TTLL4: variants seen among roughly 807,000 people sequenced by gnomAD.
TTLL4 encodes the protein tubulin tyrosine ligase like 4, also known as tubulin monoglutamylase TTLL4.
In TTLL4, 85 loss-of-function variants were observed where a neutral mutation model predicts 122.7. The observed-to-expected ratio is 0.69, with a 90% CI of 0.58 to 0.83. The LOEUF is 0.83. Ranked by LOEUF, TTLL4 falls within the 40% of genes least tolerant of loss-of-function variation. The pLI, the probability that TTLL4 is intolerant of heterozygous loss-of-function variation, is 0.00. For missense variants in TTLL4, 1,363 were observed against 1,488.6 expected, an observed-to-expected ratio of 0.92 and a Z score of 1.39; for synonymous variants, 553 against 563.0, an observed-to-expected ratio of 0.98 and a Z score of 0.25.
At chr2:218,735,766 G>A (rs1489040841) in intron 2 of TTLL4, among the ~76,000 whole-genome samples, 2 of 149,816 alleles carry the variant, frequency 1.3e-5, no homozygotes, top group South Asian at 2.1e-4. Context: ...TCCGCCTCCC[G>A]AGGTCAAGCG....
At chr2:218,748,402 C>T (rs938800218) in intron 12 of TTLL4, 175 bp downstream of exon 12, 9 of 1,080,978 alleles carry the variant, frequency 8.3e-6, no homozygotes, top group Non-Finnish European at 1.1e-5. Context: ...CGCCTGTAAT[C>T]CTAGCACTTT....
intron 5 of TTLL4, among the ~76,000 whole-genome samples, chr2:218,742,153 G>A (rs532398323): frequency 6.6e-6 from 1 of 151,996 alleles, no homozygotes; most frequent in African/African-American, 2.4e-5. Context: ...TTGTAGAGTT[G>A]TGGGGGAAGG....
intron 3 of TTLL4, among the ~76,000 whole-genome samples, chr2:218,739,603 T>C (rs4674332): frequency 0.34 from 51,857 of 152,162 alleles, 9,871 homozygotes; most frequent in Non-Finnish European, 0.42. Context: ...CCAAACCAAA[T>C]GAGGTTCTCA....
chr2:218,733,617 T>A (rs1009583035), intron 2 of TTLL4, among the ~76,000 whole-genome samples: 1 of 152,106 alleles, frequency 6.6e-6, no homozygotes, highest in African/African-American at 2.4e-5. Flanking sequence ...TGCAGAGATA[T>A]GAGATCTGGA....
Position 218,738,597 on chromosome 2 carries a change from G to T in TTLL4, c.921G>T (p.Arg307=), listed in dbSNP as rs1332846743. 1 of 1,614,092 alleles carries T rather than the reference G, an allele frequency of 6.2e-7. No individual in the cohort carries two copies. The highest frequency in any genetic ancestry group is 1.3e-5 in the African/African-American group (1 of 74,934). The change falls in exon 3 of 20, where the codon CGG becomes CGT. Residue 307 remains arginine (R), a synonymous_variant. Coordinates refer to ENST00000392102, the MANE Select transcript of TTLL4 (RefSeq NM_014640.5). ...TTSVASSWYN[R]NNLAMRAEPL... ...GTGTTGCCTCTTCCTGGTATAACCG[G>T]AATAACTTAGCCATGAGGGCAGAGC...
chr2:218,740,400 G>T, intron 4 of TTLL4, 121 bp from the exon 5 acceptor site: 1 of 1,097,342 alleles, frequency 9.1e-7, no homozygotes. Flanking sequence ...GCAGCGGGGT[G>T]GTGCTTGTGG....
intron 2 of TTLL4, among the ~76,000 whole-genome samples, chr2:218,732,547 G>T (rs1575168345): frequency 6.6e-6 from 1 of 152,302 alleles, no homozygotes; most frequent in East Asian, 1.9e-4. Context: ...AGTATGTGCT[G>T]TCGGTAGGGT....
Position 218,754,368 on chromosome 2 carries a change from C to A in TTLL4, c.3579C>A (p.Ser1193=), listed in dbSNP as rs1943108232. Reference sequence around the variant, plus strand: ...CCACTTTCCAGTCAATCAGTGACTCCCTCCTGGCTGTGAGCCCATAACTGG... The same window carrying A: ...CCACTTTCCAGTCAATCAGTGACTCACTCCTGGCTGTGAGCCCATAACTGG... ...ASSTFQSISD[S]LLAVSP The change falls in exon 20 of 20, where the codon TCC becomes TCA. Residue 1193 remains serine (S), a synonymous_variant. Transcript: ENST00000392102. The A allele has an allele frequency of 6.2e-7, 1 of 1,614,188 alleles. No individual in the cohort carries two copies. Among genetic ancestry groups the A allele is most frequent in the Non-Finnish European group, 8.5e-7 (1 of 1,180,034 alleles).
chr2:218,713,009 T>A (rs1254839708), intron 1 of TTLL4, among the ~76,000 whole-genome samples: 1 of 152,160 alleles, frequency 6.6e-6, no homozygotes, highest in East Asian at 1.9e-4. Flanking sequence ...TTTTAAGTTA[T>A]TTGGATAAAA....
intron 2 of TTLL4, among the ~76,000 whole-genome samples, chr2:218,734,375 C>A (rs931948497): frequency 1.3e-5 from 2 of 152,182 alleles, no homozygotes; most frequent in African/African-American, 4.8e-5. Flanking sequence ...TCCTGTGTAT[C>A]AGTCACTGTG....
chr2:218,722,289 A>G (rs1942065462), intron 1 of TTLL4, among the ~76,000 whole-genome samples: 1 of 152,198 alleles, frequency 6.6e-6, no homozygotes, highest in East Asian at 1.9e-4. Context: ...ATACACAGAT[A>G]AGTCATCTTT....
At chr2:218,753,260 T>C (rs1943073630) in intron 18 of TTLL4, 75 bp downstream of exon 18, 4 of 1,518,410 alleles carry the variant, frequency 2.6e-6, no homozygotes, top group Non-Finnish European at 3.7e-6. Flanking sequence ...CAGCAGGAGT[T>C]GGGTTGGTAT....
Position 218,738,516 on chromosome 2 carries a change from T to C in TTLL4, c.840T>C (p.Asp280=). The change falls in exon 3 of 20, where the codon GAT becomes GAC. Residue 280 remains aspartate (D), a synonymous_variant. Coordinates refer to ENST00000392102, the MANE Select transcript of TTLL4 (RefSeq NM_014640.5). The part of the protein sequence containing the change: ...VPKSIGTVPA[D]ASAHIALSTA... The stretch of plus-strand genomic sequence containing the variant: ...AAAGCATTGGCACTGTCCCAGCTGA[T>C]GCCAGTGCCCATATCGCCTTGTCTA... 1.2e-6 allele frequency: 2 copies of C among 1,614,194 alleles called. No homozygotes were observed. Among genetic ancestry groups the C allele is most frequent in the Non-Finnish European group, 1.7e-6 (2 of 1,180,038 alleles).
downstream of TTLL4, among the ~76,000 whole-genome samples, chr2:218,758,557 ATAAT>A (rs1943191032): frequency 6.6e-6 from 1 of 152,246 alleles, no homozygotes; most frequent in Admixed American, 6.5e-5. Context: ...GATTTTATCC[ATAAT>A]TAAAGCTGAG....
rs1285151113 is a variant in TTLL4 at position 218,737,775 on chromosome 2, T to G, written c.99T>G (p.Pro33=). 4 of 1,613,980 alleles carry G rather than the reference T, an allele frequency of 2.5e-6. No individual in the cohort carries two copies. Among genetic ancestry groups the G allele is most frequent in the Non-Finnish European group, 3.4e-6 (4 of 1,179,868 alleles). ...CAGGCACAGTACCTGCCACGCCACC[T>G]GAGAAACCCTCGGAGGGCAGAGTCT... is the stretch of plus-strand genomic sequence containing the variant. The part of the protein sequence containing the change: ...GPSGTVPATP[P]EKPSEGRVWP... The change falls in exon 3 of 20, where the codon CCT becomes CCG. Residue 33 remains proline, a synonymous_variant. Transcript: ENST00000392102.
At chr2:218,721,099 C>T (rs1404243121) in intron 1 of TTLL4, among the ~76,000 whole-genome samples, 1 of 152,230 alleles carries the variant, frequency 6.6e-6, no homozygotes, top group Non-Finnish European at 1.5e-5. Context: ...TCATGTATCT[C>T]TTCCATGTGG....
chr2:218,746,897 G>A, intron 8 of TTLL4, 106 bp from the exon 9 acceptor site: 3 of 1,282,512 alleles, frequency 2.3e-6, no homozygotes, highest in Non-Finnish European at 3.2e-6. Context: ...TGGAACAAAA[G>A]CTTGGAGTGC....
intron 2 of TTLL4, among the ~76,000 whole-genome samples, chr2:218,730,840 C>T (rs778329446): frequency 1.3e-5 from 2 of 152,054 alleles, no homozygotes; most frequent in Non-Finnish European, 2.9e-5. Flanking sequence ...TGTGGTGGCT[C>T]ATGCCTATAA....
At chr2:218,725,683 G>A (rs1210751425) in intron 1 of TTLL4, among the ~76,000 whole-genome samples, 1 of 151,946 alleles carries the variant, frequency 6.6e-6, no homozygotes, top group South Asian at 2.1e-4. Flanking sequence ...AGCCTCCCAA[G>A]TAGCTGGGAT....
Sources: gnomAD v4.1 joint callset for allele counts (sites outside exome capture counted in the v4.1 genomes callset) on GRCh38, gnomAD v4.1.1 for gene constraint, MANE v1.5 for transcripts, NCBI Gene and HGNC (gene_info 2026-07-23, HGNC 2026-07-21) for gene names.